Variants in GMDS observed in about 807,000 individuals in gnomAD.
The protein encoded by GMDS is GDP-mannose 4,6-dehydratase.
In GMDS, 20 loss-of-function variants were observed where a neutral mutation model predicts 49.9. The ratio of observed to expected loss-of-function variants is 0.40; its 90% CI spans 0.28 to 0.58. The LOEUF is 0.58. GMDS is among the 20% of genes least tolerant of loss of function. The pLI is 0.42. For missense variants in GMDS, 362 were observed against 481.4 expected, an observed-to-expected ratio of 0.75 and a Z score of 2.32; for synonymous variants, 177 against 178.6, an observed-to-expected ratio of 0.99 and a Z score of 0.07.
In GMDS at chr6:2,020,157, G is replaced by A. The variant is rs191356438; in HGVS notation, c.346-59191C>T. ...GAGCCTTAGGAGTTTATATATGTAT[G>A]ACTGATGCTGCATATATTCATATTT... On this transcript the variant is annotated intron_variant, in intron 4 of 10. Coordinates refer to ENST00000380815, the MANE Select transcript of GMDS (RefSeq NM_001500.4). Among the ~76,000 whole-genome samples, 463 of 152,218 alleles carry A rather than the reference G, an allele frequency of 3.0e-3. 5 individuals are homozygous for A. The highest frequency in any genetic ancestry group is 0.01 in the African/African-American group (429 of 41,542).
chr6:2,233,662 A>G (rs1368508646), intron 1 of GMDS, among the ~76,000 whole-genome samples: 1 of 152,156 alleles, frequency 6.6e-6, no homozygotes, highest in Non-Finnish European at 1.5e-5. Context: ...TCTACTAAAA[A>G]TACAAAAATT....
intron 6 of GMDS, among the ~76,000 whole-genome samples, chr6:1,932,796 C>T (rs1365778066): frequency 1.3e-5 from 2 of 152,064 alleles, no homozygotes; most frequent in Non-Finnish European, 2.9e-5. Context: ...CCTTGGCCTC[C>T]GAAAGCACTG....
intron 1 of GMDS, among the ~76,000 whole-genome samples, chr6:2,214,086 C>A (rs923868740): frequency 2.0e-5 from 3 of 152,074 alleles, no homozygotes; most frequent in Non-Finnish European, 4.4e-5. Context: ...GACACAGAGG[C>A]CAAATGGAAA....
At chr6:1,958,091 G>T (rs575281823) in intron 6 of GMDS, among the ~76,000 whole-genome samples, 1 of 150,376 alleles carries the variant, frequency 6.6e-6, no homozygotes, top group East Asian at 1.9e-4. Context: ...CAGATGTGGG[G>T]CACTGTGCCT....
intron 6 of GMDS, among the ~76,000 whole-genome samples, chr6:1,946,017 A>G (rs569248604): frequency 3.3e-5 from 5 of 152,204 alleles, no homozygotes; most frequent in Non-Finnish European, 7.3e-5. Flanking sequence ...CCCAGTTTCT[A>G]TGTCACCCAT....
intron 7 of GMDS, among the ~76,000 whole-genome samples, chr6:1,877,098 C>T (rs1581290671): frequency 6.6e-6 from 1 of 152,046 alleles, no homozygotes; most frequent in Non-Finnish European, 1.5e-5. Flanking sequence ...GGGCTGACCA[C>T]CACGTCCCAC....
intron 4 of GMDS, among the ~76,000 whole-genome samples, chr6:2,054,804 A>AAAAAC (rs1056864091): frequency 3.9e-5 from 6 of 152,090 alleles, no homozygotes; most frequent in South Asian, 2.1e-4. Flanking sequence ...CCAGGAAAAC[A>AAAAAC]AAAACAAAAC....
chr6:1,764,859 A>G, intron 7 of GMDS, among the ~76,000 whole-genome samples: 1 of 152,246 alleles, frequency 6.6e-6, no homozygotes. Context: ...AATCCTGGCA[A>G]TTTATATGTT....
chr6:1,887,446 G>A (rs1265628157), intron 7 of GMDS, among the ~76,000 whole-genome samples: 2 of 150,278 alleles, frequency 1.3e-5, no homozygotes, highest in Non-Finnish European at 3.0e-5. Context: ...ACATATTTAT[G>A]TTCGGCTACC....
At position 1,940,020 on chromosome 6, in the gene GMDS, G is replaced by A. The variant is rs116661554; in HGVS notation, c.644-9790C>T. Among the ~76,000 whole-genome samples, 729 of 152,186 alleles carry A rather than the reference G, an allele frequency of 4.8e-3. 8 individuals are homozygous for A. Among genetic ancestry groups the A allele is most frequent in the African/African-American group, 0.017 (695 of 41,504 alleles). ...GACACCCTCTGATGATGCCGTAGAC[G>A]TAAGGAAGAAACCCTACAGGAGGTT... On this transcript the variant is annotated intron_variant, in intron 6 of 10. Coordinates refer to ENST00000380815, the MANE Select transcript of GMDS (RefSeq NM_001500.4).
At position 1,856,212 on chromosome 6, in the gene GMDS, A is replaced by G. The variant is rs114881872; in HGVS notation, c.771+73891T>C. On this transcript the variant is annotated intron_variant, in intron 7 of 10. Coordinates refer to ENST00000380815, the MANE Select transcript of GMDS (RefSeq NM_001500.4). ...ATGCTGGTGTATGTGTCTTTAAAAT[A>G]CCCTAACTTTTTTCATCTTCTGATT... is the stretch of plus-strand genomic sequence containing the variant. 3.5e-3 allele frequency among the ~76,000 whole-genome samples: 535 copies of G among 152,274 alleles called. 4 individuals carry two copies. The highest frequency in any genetic ancestry group is 5.7e-3 in the Non-Finnish European group (387 of 68,014).
intron 4 of GMDS, among the ~76,000 whole-genome samples, chr6:1,993,897 G>A (rs374144732): frequency 3.3e-5 from 5 of 152,104 alleles, no homozygotes; most frequent in African/African-American, 2.4e-5. Flanking sequence ...CCAGTGCCAC[G>A]GGACGGTGAT....
chr6:1,898,796 G>T lies in GMDS; in HGVS notation c.771+31307C>A, dbSNP rs944995159. 3.3e-5 allele frequency among the ~76,000 whole-genome samples: 5 copies of T among 152,284 alleles called. No individual in the cohort carries two copies. In the East Asian group the frequency reaches 7.7e-4, roughly 24 times the overall value. On this transcript the variant is annotated intron_variant, in intron 7 of 10. Transcript: ENST00000380815. ...TGAGAATCAAATCCCAGCGTGTATT[G>T]ATCTAAGAGATATTCCTTCCCACCT...
intron 7 of GMDS, among the ~76,000 whole-genome samples, chr6:1,855,314 C>A (rs1757895586): frequency 6.6e-6 from 1 of 152,196 alleles, no homozygotes; most frequent in South Asian, 2.1e-4. Context: ...GCTCAAACCA[C>A]TAATCAAGCA....
chr6:1,658,296 T>C (rs1482022653), intron 9 of GMDS, among the ~76,000 whole-genome samples: 3 of 152,210 alleles, frequency 2.0e-5, no homozygotes, highest in Admixed American at 2.0e-4. Flanking sequence ...CCCTTCAACT[T>C]GTTCACTGTT....
At chr6:2,156,951 A>C (rs1777141826) in intron 1 of GMDS, among the ~76,000 whole-genome samples, 2 of 152,222 alleles carry the variant, frequency 1.3e-5, no homozygotes, top group Admixed American at 6.5e-5. Context: ...AACTATCAAC[A>C]AATTATTTTA....
At position 1,694,829 on chromosome 6, in the gene GMDS, C is replaced by T. The variant is rs567718453; in HGVS notation, c.987+31587G>A. On this transcript the variant is annotated intron_variant, in intron 9 of 10. Coordinates refer to ENST00000380815, the MANE Select transcript of GMDS (RefSeq NM_001500.4). The stretch of plus-strand genomic sequence containing the variant: ...ACCAAATTTTAAACTAGGACATACA[C>T]CTGTCCAAATGAAAAGTACCTATTA... Among the ~76,000 whole-genome samples, 25 of 152,236 alleles carry T rather than the reference C, an allele frequency of 1.6e-4. No homozygotes were observed. The South Asian group carries it at 5.0e-3, about 30-fold the overall frequency.
At chr6:2,137,284 A>G (rs1261433515) in intron 1 of GMDS, among the ~76,000 whole-genome samples, 1 of 152,068 alleles carries the variant, frequency 6.6e-6, no homozygotes, top group Non-Finnish European at 1.5e-5. Context: ...AGTTCATTCA[A>G]AAGTAGTGTG....
At chr6:1,975,097 G>A (rs1764826018) in intron 4 of GMDS, among the ~76,000 whole-genome samples, 1 of 151,758 alleles carries the variant, frequency 6.6e-6, no homozygotes, top group Admixed American at 6.6e-5. Flanking sequence ...AACTCAAACT[G>A]CCAGGATATT....
Sources: allele counts gnomAD v4.1 joint callset (sites outside exome capture counted in the v4.1 genomes callset), GRCh38; gene constraint gnomAD v4.1.1; transcripts MANE v1.5; gene names NCBI Gene and HGNC (gene_info 2026-07-23, HGNC 2026-07-21).